CLSTN2: variants seen among roughly 807,000 people sequenced by gnomAD.
CLSTN2 encodes calsyntenin-2.
A neutral mutation model predicts 101.2 loss-of-function variants in CLSTN2; 48 were observed. The ratio of observed to expected loss-of-function variants is 0.47; its 90% CI spans 0.38 to 0.60. The LOEUF (loss-of-function observed/expected upper bound fraction) is 0.60, where lower values mean the gene tolerates loss of function less well. Among genes scored for constraint, CLSTN2 ranks in the 20% least tolerant of loss-of-function variants. The probability of loss-of-function intolerance (pLI) is 0.00; values close to 1 mark genes in which losing one functional copy is unlikely to be tolerated. For missense variants in CLSTN2, 1,160 were observed against 1,238.2 expected, an observed-to-expected ratio of 0.94 and a Z score of 0.95; for synonymous variants, 481 against 463.6, an observed-to-expected ratio of 1.04 and a Z score of -0.48.
intron 8 of CLSTN2, among the ~76,000 whole-genome samples, chr3:140,515,367 T>G (rs1164016724): frequency 1.3e-5 from 2 of 152,176 alleles, no homozygotes; most frequent in Non-Finnish European, 2.9e-5. Flanking sequence ...TTCAGTTTCA[T>G]TTAGTCAGCT....
intron 2 of CLSTN2, among the ~76,000 whole-genome samples, chr3:140,264,768 GTT>G (rs2086681876): frequency 6.6e-6 from 1 of 152,028 alleles, no homozygotes; most frequent in South Asian, 2.1e-4. Context: ...TTGCTCAGGG[GTT>G]TTTAGGACAG....
intron 1 of CLSTN2, among the ~76,000 whole-genome samples, chr3:140,165,376 A>G (rs1433911463): frequency 6.6e-6 from 1 of 152,182 alleles, no homozygotes; most frequent in Non-Finnish European, 1.5e-5. Context: ...GACTCACTAT[A>G]TGCTGGGCAC....
intron 2 of CLSTN2, among the ~76,000 whole-genome samples, chr3:140,298,472 A>G (rs772388611): frequency 5.9e-5 from 9 of 152,236 alleles, no homozygotes; most frequent in Admixed American, 1.3e-4. Flanking sequence ...AGAGAAAAAG[A>G]TAAACACTGA....
At chr3:140,325,545 C>G (rs2087324287) in intron 2 of CLSTN2, among the ~76,000 whole-genome samples, 4 of 152,152 alleles carry the variant, frequency 2.6e-5, no homozygotes, top group Non-Finnish European at 5.9e-5. Context: ...ACTTTCCTCC[C>G]CATCTAATTA....
intron 1 of CLSTN2, among the ~76,000 whole-genome samples, chr3:140,020,796 A>G (rs542762921): frequency 1.3e-5 from 2 of 152,362 alleles, no homozygotes; most frequent in South Asian, 2.1e-4. Flanking sequence ...TGGCAAAAGT[A>G]AAAACCGCTG....
At position 140,136,734 on chromosome 3, in the gene CLSTN2, T is replaced by C. The variant is rs79363391; in HGVS notation, c.110-39217T>C. Among the ~76,000 whole-genome samples the C allele has an allele frequency of 1.7e-3, 259 of 152,292 alleles. 6 individuals are homozygous for C. In the East Asian group the frequency reaches 0.045, roughly 26 times the overall value. On this transcript the variant is annotated intron_variant, in intron 1 of 16. Coordinates refer to ENST00000458420, the MANE Select transcript of CLSTN2 (RefSeq NM_022131.3). Reference sequence around the variant, plus strand: ...TTGCCTTGCAGAGTTGTTGTGAGAATTGGATGGGAAAACCCAATGAACCCT... The same window carrying C: ...TTGCCTTGCAGAGTTGTTGTGAGAACTGGATGGGAAAACCCAATGAACCCT...
chr3:140,063,966 G>A (rs1477187173), intron 1 of CLSTN2, among the ~76,000 whole-genome samples: 3 of 152,180 alleles, frequency 2.0e-5, no homozygotes, highest in African/African-American at 7.2e-5. Flanking sequence ...GAGTGCTTGT[G>A]TTCAATCCCA....
chr3:140,119,876 G>C (rs1428319807), intron 1 of CLSTN2, among the ~76,000 whole-genome samples: 2 of 152,164 alleles, frequency 1.3e-5, no homozygotes, highest in Admixed American at 6.5e-5. Flanking sequence ...GGAGTCTTCA[G>C]CTGCCACTTA....
At chr3:140,294,572 T>C (rs1208932994) in intron 2 of CLSTN2, among the ~76,000 whole-genome samples, 1 of 152,032 alleles carries the variant, frequency 6.6e-6, no homozygotes, top group Non-Finnish European at 1.5e-5. Flanking sequence ...GTCTTTTTTT[T>C]TTTTTTGCCT....
intron 1 of CLSTN2, among the ~76,000 whole-genome samples, chr3:139,949,919 G>C (rs572946589): frequency 9.8e-5 from 15 of 152,296 alleles, no homozygotes; most frequent in African/African-American, 3.4e-4. Context: ...AAAACAATTT[G>C]CAATTTGTGA....
chr3:140,231,767 G>A (rs2086373814), intron 2 of CLSTN2, among the ~76,000 whole-genome samples: 1 of 152,172 alleles, frequency 6.6e-6, no homozygotes, highest in Non-Finnish European at 1.5e-5. Context: ...TTGAATTGTA[G>A]CACCTTACAT....
chr3:140,051,571 T>C (rs991916592), intron 1 of CLSTN2, among the ~76,000 whole-genome samples: 16 of 152,188 alleles, frequency 1.1e-4, no homozygotes, highest in Non-Finnish European at 1.6e-4. Flanking sequence ...GGAGGGATTA[T>C]TCACACGCGT....
intron 5 of CLSTN2, among the ~76,000 whole-genome samples, chr3:140,427,865 A>G (rs1247475659): frequency 6.6e-6 from 1 of 152,190 alleles, no homozygotes; most frequent in Non-Finnish European, 1.5e-5. Flanking sequence ...AGCACTATAC[A>G]GTGAACCCAG....
In CLSTN2 at chr3:139,935,367, C is replaced by T. The variant is rs1361985979; in HGVS notation, c.-8C>T. On this transcript the variant is annotated 5_prime_UTR_variant, in exon 1 of 17. Transcript: ENST00000458420. The surrounding 1 kb of genome is among the most constrained non-coding windows in gnomAD (Gnocchi z 5.5). ...GGCGGCTGCAGCTCGTTGGCGGCTG[C>T]TGCGAGGATGCTGCCTGGGCGGCTG... is the stretch of plus-strand genomic sequence containing the variant. The T allele has an allele frequency of 4.9e-6, 6 of 1,224,688 alleles. No individual in the cohort carries two copies. The highest frequency in any genetic ancestry group is 6.1e-6 in the Non-Finnish European group (6 of 982,212). The allele number at this position is 1,224,688 out of a possible 1,614,324, so 75.9% of individuals were successfully genotyped here. A position where few individuals can be genotyped will look rare whatever the true frequency, so the allele number is the denominator to read the frequency against.
At chr3:140,472,879 A>G (rs1431652893) in intron 8 of CLSTN2, among the ~76,000 whole-genome samples, 1 of 152,196 alleles carries the variant, frequency 6.6e-6, no homozygotes, top group East Asian at 1.9e-4. Flanking sequence ...TTATTTCCCC[A>G]TGATATATAT....
chr3:140,259,351 G>A (rs917164004), intron 2 of CLSTN2, among the ~76,000 whole-genome samples: 1 of 152,108 alleles, frequency 6.6e-6, no homozygotes, highest in South Asian at 2.1e-4. Flanking sequence ...GCAGGCACAT[G>A]TAATCCCAGC....
At chr3:140,163,301 T>G (rs1483297570) in intron 1 of CLSTN2, among the ~76,000 whole-genome samples, 1 of 152,044 alleles carries the variant, frequency 6.6e-6, no homozygotes, top group Non-Finnish European at 1.5e-5. Flanking sequence ...AAAAGTTGCC[T>G]CAAGATTGCA....
intron 2 of CLSTN2, among the ~76,000 whole-genome samples, chr3:140,309,975 C>G (rs2087150059): frequency 6.6e-6 from 1 of 152,158 alleles, no homozygotes; most frequent in South Asian, 2.1e-4. Context: ...CCCAGTCATC[C>G]TGCTAGGGCC....
intron 7 of CLSTN2, among the ~76,000 whole-genome samples, chr3:140,462,976 C>T (rs998216293): frequency 4.6e-5 from 7 of 152,152 alleles, no homozygotes; most frequent in African/African-American, 1.7e-4. Flanking sequence ...GGGGAGGCTG[C>T]GAAATGAGTT....
Sources: gnomAD v4.1 joint callset for allele counts (sites outside exome capture counted in the v4.1 genomes callset) on GRCh38, gnomAD v4.1.1 for gene constraint, Gnocchi (gnomAD v3.1) non-coding constraint, MANE v1.5 for transcripts, NCBI Gene and HGNC (gene_info 2026-07-23, HGNC 2026-07-21) for gene names.